The following RELN variants were observed in gnomAD, a reference collection of about 807,000 sequenced individuals.
The protein encoded by RELN is reelin.
A neutral mutation model predicts 427.6 loss-of-function variants in RELN; 108 were observed. The ratio of observed to expected loss-of-function variants is 0.25; its 90% CI spans 0.22 to 0.30. The LOEUF (loss-of-function observed/expected upper bound fraction) is 0.30, where lower values mean the gene tolerates loss of function less well. Ranked by LOEUF, RELN falls within the 10% of genes least tolerant of loss-of-function variation. RELN has a pLI of 1.00. For synonymous variants in RELN, 1,524 were observed against 1,513.4 expected (o/e 1.01, Z -0.16); for missense variants, 3,715 against 4,302.8 (o/e 0.86, Z 3.82).
At position 103,496,781 on chromosome 7, in the gene RELN, A is replaced by T; in HGVS notation, c.8951-13T>A. On this transcript the variant is annotated splice_polypyrimidine_tract_variant and intron_variant, in intron 55 of 64. Transcript: ENST00000428762. ...GTCCAGGTAATTCCTATAATAACAA[A>T]TATACCAACATAGCAATATATCTAG... The T allele has an allele frequency of 2.5e-6, 4 of 1,613,186 alleles. No homozygotes were observed. The highest frequency in any genetic ancestry group is 3.4e-6 in the Non-Finnish European group (4 of 1,179,416).
In RELN at chr7:103,661,503, A is replaced by G; in HGVS notation, c.1314T>C (p.Ile438=). 1 of 1,613,808 alleles carries G rather than the reference A, an allele frequency of 6.2e-7. No individual in the cohort carries two copies. Among genetic ancestry groups the G allele is most frequent in the Non-Finnish European group, 8.5e-7 (1 of 1,179,878 alleles). ...ATTCTATCGTTCCACATTCTGTACCAATGACAGCTCCCAAGACATCCCATC... is the reference window on the plus strand; with the variant it reads ...ATTCTATCGTTCCACATTCTGTACCGATGACAGCTCCCAAGACATCCCATC... ...PTGWDVLGAV[I]GTECGTIESG... is the part of the protein sequence containing the mutation. The change falls in exon 12 of 65, where the codon ATT becomes ATC. Residue 438 remains isoleucine (I), a synonymous_variant. Transcript: ENST00000428762.
intron 4 of RELN, among the ~76,000 whole-genome samples, chr7:103,765,967 C>A (rs936573515): frequency 6.6e-6 from 1 of 152,206 alleles, no homozygotes; most frequent in Non-Finnish European, 1.5e-5. Flanking sequence ...ATCAGACCCA[C>A]CTCCAGAGTC....
At chr7:103,677,977 G>A (rs962690517) in intron 11 of RELN, among the ~76,000 whole-genome samples, 5 of 151,820 alleles carry the variant, frequency 3.3e-5, no homozygotes, top group African/African-American at 1.2e-4. Context: ...TCCAACTACA[G>A]GTCACTTTCT....
At chr7:103,980,609 C>T (rs1242146281) in intron 1 of RELN, among the ~76,000 whole-genome samples, 1 of 152,168 alleles carries the variant, frequency 6.6e-6, no homozygotes, top group Non-Finnish European at 1.5e-5. Flanking sequence ...TTGGGCAAAA[C>T]ACTAACCTCT....
chr7:103,832,544 G>A (rs1033396477), intron 3 of RELN, among the ~76,000 whole-genome samples: 8 of 152,162 alleles, frequency 5.3e-5, no homozygotes, highest in Non-Finnish European at 8.8e-5. Flanking sequence ...CGCATTCGAA[G>A]TTTAAAAATG....
chr7:103,580,815 G>A (rs955690022), intron 28 of RELN, among the ~76,000 whole-genome samples: 5 of 152,010 alleles, frequency 3.3e-5, no homozygotes, highest in Admixed American at 2.6e-4. Flanking sequence ...TTTATTATTG[G>A]GCTTCAGGGG....
At chr7:103,907,773 T>C (rs199884180) in intron 2 of RELN, among the ~76,000 whole-genome samples, 9 of 36,640 alleles carry the variant, frequency 2.5e-4, no homozygotes, top group African/African-American at 6.4e-4. Context: ...TGTTTTTTTT[T>C]CTTTTTTAAA....
chr7:103,799,140 T>C (rs1330376523), intron 3 of RELN, among the ~76,000 whole-genome samples: 3 of 152,194 alleles, frequency 2.0e-5, no homozygotes, highest in African/African-American at 4.8e-5. Context: ...ACTAGTAATA[T>C]TGAATTGAAA....
chr7:103,652,617 G>A lies in RELN; in HGVS notation c.1697C>T (p.Ser566Phe). The change falls in exon 14 of 65, where the codon TCT becomes TTT. Residue 566 changes from serine (S) to phenylalanine (F), a missense_variant. By Grantham distance (155) the Ser-to-Phe change is radical. This residue lies in a region of RELN where 2,208 missense variants were observed against 2,361.7 expected (regional missense o/e 0.93). Transcript: ENST00000428762. The part of the protein sequence containing the change: ...DFFHVLPVLP[S>F]TMSHMIQFSI... ...AAACTGTATCATGTGAGACATTGTAGAAGGGAGAACAGGCAAGACATGGAA... is the reference window on the plus strand; with the variant it reads ...AAACTGTATCATGTGAGACATTGTAAAAGGGAGAACAGGCAAGACATGGAA... 1 of 1,612,918 alleles carries A rather than the reference G, an allele frequency of 6.2e-7. No homozygotes were observed. Among genetic ancestry groups the A allele is most frequent in the South Asian group, 1.1e-5 (1 of 91,062 alleles).
chr7:103,552,515 T>C (rs1172368134), intron 40 of RELN, among the ~76,000 whole-genome samples: 1 of 150,674 alleles, frequency 6.6e-6, no homozygotes, highest in Non-Finnish European at 1.5e-5. Context: ...TTTTTTTTTT[T>C]TTTTTGGAGA....
intron 2 of RELN, among the ~76,000 whole-genome samples, chr7:103,902,653 T>C (rs1359068219): frequency 6.6e-6 from 1 of 152,132 alleles, no homozygotes; most frequent in African/African-American, 2.4e-5. Flanking sequence ...TTCAGAGTCC[T>C]GAAAACAGTA....
chr7:103,910,494 A>T (rs1252353251), intron 2 of RELN, among the ~76,000 whole-genome samples: 8 of 151,916 alleles, frequency 5.3e-5, no homozygotes, highest in African/African-American at 1.7e-4. Context: ...CAGAATTGGA[A>T]AAAACTACTT....
intron 56 of RELN, among the ~76,000 whole-genome samples, 180 bp from the exon 57 acceptor site, chr7:103,496,078 G>T (rs980969987): frequency 2.6e-5 from 4 of 152,078 alleles, no homozygotes; most frequent in Non-Finnish European, 5.9e-5. Flanking sequence ...CTGGGATAAT[G>T]CATAAATCCA....
intron 16 of RELN, among the ~76,000 whole-genome samples, chr7:103,645,687 A>G (rs879312217): frequency 6.6e-5 from 10 of 151,718 alleles, no homozygotes; most frequent in Non-Finnish European, 1.3e-4. Context: ...TAATAGTAAG[A>G]GACTTCAACA....
Position 103,839,014 on chromosome 7 carries a change from A to G in RELN, c.338-5342T>C, listed in dbSNP as rs145359752. Among the ~76,000 whole-genome samples the G allele has an allele frequency of 6.0e-3, 918 of 152,298 alleles. 16 individuals are homozygous for G. Among genetic ancestry groups the G allele is most frequent in the African/African-American group, 0.021 (884 of 41,564 alleles). On this transcript the variant is annotated intron_variant, in intron 2 of 64. Coordinates refer to ENST00000428762, the MANE Select transcript of RELN (RefSeq NM_005045.4). ...AACTGTTTTGAAGTATGGTATGGGTATTGAGATTTTGTAAAGCTCACCAAG... is the reference window on the plus strand; with the variant it reads ...AACTGTTTTGAAGTATGGTATGGGTGTTGAGATTTTGTAAAGCTCACCAAG...
intron 4 of RELN, among the ~76,000 whole-genome samples, chr7:103,770,992 G>T (rs1014368752): frequency 2.1e-5 from 3 of 144,738 alleles, no homozygotes; most frequent in African/African-American, 7.8e-5. Context: ...TAGGCTCACT[G>T]CAACCTCTGC....
intron 19 of RELN, among the ~76,000 whole-genome samples, chr7:103,631,885 TA>T (rs1407913200): frequency 6.6e-6 from 1 of 152,096 alleles, no homozygotes; most frequent in African/African-American, 2.4e-5. Context: ...AGCATTATGT[TA>T]TTAGAAAGTT....
Position 103,566,589 on chromosome 7 carries a change from G to C in RELN, c.4747+12C>G, listed in dbSNP as rs776037368. 14 of 1,613,870 alleles carry C rather than the reference G, an allele frequency of 8.7e-6. No individual in the cohort carries two copies. The highest frequency in any genetic ancestry group is 1.1e-5 in the Non-Finnish European group (13 of 1,179,968). ...AAAAGCTACCAGAAAGCTGGAGTGA[G>C]CAGTAACTTACCATGTTGCGGTTGC... is the stretch of plus-strand genomic sequence containing the variant. On this transcript the variant is annotated intron_variant, in intron 32 of 64. Coordinates refer to ENST00000428762, the MANE Select transcript of RELN (RefSeq NM_005045.4).
chr7:103,828,220 A>C (rs1252037975), intron 3 of RELN, among the ~76,000 whole-genome samples: 2 of 152,046 alleles, frequency 1.3e-5, no homozygotes, highest in African/African-American at 4.8e-5. Flanking sequence ...TCAAGGCAGC[A>C]CTTCAAATCT....
Sources: gnomAD v4.1 joint callset for allele counts (sites outside exome capture counted in the v4.1 genomes callset) on GRCh38, gnomAD v4.1.1 for gene constraint, gnomAD v4.1.1 regional missense constraint, MANE v1.5 for transcripts, NCBI Gene and HGNC (gene_info 2026-07-23, HGNC 2026-07-21) for gene names.